Variants in SLC22A15 observed in about 807,000 individuals in gnomAD.
SLC22A15 encodes flipt 1.
Under a neutral mutation model 62.7 loss-of-function variants are expected in SLC22A15, and 45 were observed. That is an observed-to-expected ratio of 0.72 (90% CI 0.56 to 0.92). SLC22A15 has a LOEUF of 0.92. Among genes scored for constraint, SLC22A15 ranks in the 40% least tolerant of loss-of-function variants. The pLI is 0.00. For synonymous variants in SLC22A15, 264 were observed against 267.0 expected, an observed-to-expected ratio of 0.99 and a Z score of 0.11; for missense variants, 622 against 665.6, an observed-to-expected ratio of 0.93 and a Z score of 0.72.
rs764207935 is a variant in SLC22A15, at chr1:115,976,735, A to C, written c.87+21A>C. On this transcript the variant is annotated intron_variant, in intron 1 of 11. Coordinates refer to ENST00000369503, the MANE Select transcript of SLC22A15 (RefSeq NM_018420.3). ...TGCAGGTAAGTCCCCGCGGCCCCGC[A>C]GCCGCATTTCCCTCTTCAGGGCCGC... 33 of 1,566,508 alleles carry C rather than the reference A, an allele frequency of 2.1e-5. No individual in the cohort carries two copies. The African/African-American group carries it at 3.9e-4, about 19-fold the overall frequency.
intron 1 of SLC22A15, among the ~76,000 whole-genome samples, chr1:115,981,545 C>A (rs1159774834): frequency 6.6e-6 from 1 of 152,210 alleles, no homozygotes; most frequent in Admixed American, 6.5e-5. Context: ...CTGGCCCCCA[C>A]ACCCTCAGGA....
intron 1 of SLC22A15, among the ~76,000 whole-genome samples, chr1:115,990,700 A>G (rs1655103110): frequency 1.3e-5 from 2 of 152,162 alleles, no homozygotes; most frequent in African/African-American, 4.8e-5. Flanking sequence ...CTCAAAGTAG[A>G]TTGAGAATGC....
chr1:116,057,430 G>A (rs1298114958), intron 8 of SLC22A15, among the ~76,000 whole-genome samples: 2 of 151,942 alleles, frequency 1.3e-5, no homozygotes, highest in Non-Finnish European at 2.9e-5. Context: ...AGGATGTGGA[G>A]AAATAGGAAC....
intron 7 of SLC22A15, 32 bp from the exon 8 acceptor site, chr1:116,037,271 A>G: frequency 6.4e-7 from 1 of 1,562,552 alleles, no homozygotes; most frequent in Non-Finnish European, 8.8e-7. Flanking sequence ...AAGGTTCTTA[A>G]GAGAACTGTG....
intron 8 of SLC22A15, among the ~76,000 whole-genome samples, chr1:116,049,487 C>T (rs1171223310): frequency 6.6e-6 from 1 of 152,160 alleles, no homozygotes; most frequent in East Asian, 1.9e-4. Flanking sequence ...AAATAACCTG[C>T]TCCTGAATGA....
At chr1:115,986,989 G>C (rs17035062) in intron 1 of SLC22A15, among the ~76,000 whole-genome samples, 1,794 of 152,232 alleles carry the variant, frequency 0.012, 40 homozygotes, top group African/African-American at 0.04. Context: ...AGTCATGTTA[G>C]GGGAATTGAA....
intron 2 of SLC22A15, among the ~76,000 whole-genome samples, chr1:115,998,957 A>G (rs1394149627): frequency 6.6e-6 from 1 of 151,768 alleles, no homozygotes; most frequent in Non-Finnish European, 1.5e-5. Flanking sequence ...TATTCCATGG[A>G]TTTTGGTATA....
chr1:116,003,448 C>G (rs1655831653), intron 2 of SLC22A15, among the ~76,000 whole-genome samples: 1 of 152,126 alleles, frequency 6.6e-6, no homozygotes, highest in African/African-American at 2.4e-5. Context: ...TATTGAAGAC[C>G]CTAGAGCTCT....
chr1:115,985,945 CAAAAA>C (rs35381675), intron 1 of SLC22A15, among the ~76,000 whole-genome samples: 1 of 114,480 alleles, frequency 8.7e-6, no homozygotes, highest in Admixed American at 9.0e-5. Flanking sequence ...GACTCCATCT[CAAAAA>C]AAAAAAAAAA....
At chr1:116,061,518 A>G (rs1446175065) in intron 8 of SLC22A15, among the ~76,000 whole-genome samples, 1 of 152,126 alleles carries the variant, frequency 6.6e-6, no homozygotes, top group Non-Finnish European at 1.5e-5. Flanking sequence ...AGTTGCCAGG[A>G]CAGGTGCATT....
intron 8 of SLC22A15, among the ~76,000 whole-genome samples, chr1:116,058,179 C>T (rs1207226381): frequency 6.6e-6 from 1 of 152,038 alleles, no homozygotes; most frequent in Non-Finnish European, 1.5e-5. Flanking sequence ...AGTAAACAGA[C>T]AACCCACAGA....
In SLC22A15 at chr1:115,992,134, A is replaced by C; in HGVS notation, c.191A>C (p.Gln64Pro). Reference sequence around the variant, plus strand: ...CTGCCAAATCAGAGCCACGGTAACCAGTCAGCTGGTGAAGACCAGGCCTTT... The same window carrying C: ...CTGCCAAATCAGAGCCACGGTAACCCGTCAGCTGGTGAAGACCAGGCCTTT... ...ELLPNQSHGN[Q>P]SAGEDQAFGD... The change falls in exon 2 of 12, where the codon CAG becomes CCG. Residue 64 changes from glutamine (Q) to proline (P), a missense_variant. Physicochemically the swap from Gln to Pro is moderately conservative, Grantham distance 76. Coordinates refer to ENST00000369503, the MANE Select transcript of SLC22A15 (RefSeq NM_018420.3). 1 of 1,613,870 alleles carries C rather than the reference A, an allele frequency of 6.2e-7. No homozygotes were observed. The highest frequency in any genetic ancestry group is 1.3e-5 in the African/African-American group (1 of 75,070).
chr1:115,999,947 G>A (rs974002128), intron 2 of SLC22A15, among the ~76,000 whole-genome samples: 1 of 151,690 alleles, frequency 6.6e-6, no homozygotes, highest in African/African-American at 2.4e-5. Context: ...GGTTTCCGTT[G>A]GCATGGAATA....
chr1:116,049,040 G>A (rs1291592911), intron 8 of SLC22A15, among the ~76,000 whole-genome samples: 1 of 152,134 alleles, frequency 6.6e-6, no homozygotes, highest in African/African-American at 2.4e-5. Flanking sequence ...TTGTCCAACA[G>A]GAAAATATCA....
At chr1:116,006,648 G>A (rs1268661541) in intron 2 of SLC22A15, among the ~76,000 whole-genome samples, 1 of 151,930 alleles carries the variant, frequency 6.6e-6, no homozygotes, top group African/African-American at 2.4e-5. Flanking sequence ...CTGTATCTCT[G>A]TGTCCCCTCC....
At chr1:116,002,291 A>G (rs1245137658) in intron 2 of SLC22A15, among the ~76,000 whole-genome samples, 1 of 152,180 alleles carries the variant, frequency 6.6e-6, no homozygotes, top group Admixed American at 6.5e-5. Flanking sequence ...TGGGTCACAC[A>G]TGAAGTTGGC....
intron 1 of SLC22A15, among the ~76,000 whole-genome samples, chr1:115,980,378 A>G (rs114586781): frequency 7.2e-5 from 11 of 152,314 alleles, no homozygotes; most frequent in African/African-American, 2.6e-4. Context: ...ATAGGGAGAT[A>G]TGTGTAAGAT....
At chr1:115,998,583 C>T (rs1487403104) in intron 2 of SLC22A15, among the ~76,000 whole-genome samples, 1 of 152,018 alleles carries the variant, frequency 6.6e-6, no homozygotes, top group African/African-American at 2.4e-5. Flanking sequence ...CATATAGTTG[C>T]TCATAGTAGC....
chr1:116,012,999 G>A (rs1032932644), intron 2 of SLC22A15, among the ~76,000 whole-genome samples: 1 of 152,126 alleles, frequency 6.6e-6, no homozygotes, highest in South Asian at 2.1e-4. Context: ...GAGGTAGTCC[G>A]CACTTTATTA....
Sources: allele counts gnomAD v4.1 joint callset (sites outside exome capture counted in the v4.1 genomes callset), GRCh38; gene constraint gnomAD v4.1.1; transcripts MANE v1.5; gene names NCBI Gene and HGNC (gene_info 2026-07-23, HGNC 2026-07-21).